DCAF6: variants seen among roughly 807,000 people sequenced by gnomAD.
The protein encoded by DCAF6 is DDB1 and CUL4 associated factor 6.
Under a neutral mutation model 125.1 loss-of-function variants are expected in DCAF6, and 54 were observed. That is an observed-to-expected ratio of 0.43 (90% CI 0.35 to 0.54). DCAF6 has a LOEUF of 0.54. Among genes scored for constraint, DCAF6 ranks in the 20% least tolerant of loss-of-function variants. The pLI, the probability that DCAF6 is intolerant of heterozygous loss-of-function variation, is 0.01. For missense variants in DCAF6, 934 were observed against 1,161.7 expected (o/e 0.80, Z 2.85); for synonymous variants, 371 against 390.4 (o/e 0.95, Z 0.58).
chr1:167,970,814 A>G (rs1486215878), intron 3 of DCAF6, among the ~76,000 whole-genome samples: 1 of 152,082 alleles, frequency 6.6e-6, no homozygotes, highest in Non-Finnish European at 1.5e-5. Flanking sequence ...GTTTTGAAAC[A>G]CTTAGTTTTT....
At chr1:167,912,595 G>T in the DCAF6 span, among the ~76,000 whole-genome samples, 1 of 152,190 alleles carries the variant, frequency 6.6e-6, no homozygotes, top group Non-Finnish European at 1.5e-5. Flanking sequence ...CCTAGCTGAC[G>T]TCCACCCCAC....
intron 10 of DCAF6, among the ~76,000 whole-genome samples, chr1:168,009,756 C>A (rs1684025483): frequency 6.6e-6 from 1 of 150,440 alleles, no homozygotes; most frequent in African/African-American, 2.5e-5. Flanking sequence ...TAGGTAAAGT[C>A]CTCTTTCCTT....
At chr1:167,976,201 G>T (rs1019845896) in intron 4 of DCAF6, among the ~76,000 whole-genome samples, 1 of 152,150 alleles carries the variant, frequency 6.6e-6, no homozygotes, top group Non-Finnish European at 1.5e-5. Flanking sequence ...AGACGTGGTG[G>T]CTCACACCTG....
intron 3 of DCAF6, among the ~76,000 whole-genome samples, chr1:167,971,680 G>A (rs930159243): frequency 2.6e-5 from 4 of 152,076 alleles, no homozygotes; most frequent in Non-Finnish European, 4.4e-5. Flanking sequence ...CCACCTTAAC[G>A]TATAGTAATC....
chr1:167,893,414 T>C, the DCAF6 span, among the ~76,000 whole-genome samples: 4 of 152,144 alleles, frequency 2.6e-5, no homozygotes, highest in Admixed American at 2.6e-4. Context: ...CACCTACATA[T>C]AGAGAATGTC....
At chr1:167,960,086 A>G (rs1675341370) in intron 2 of DCAF6, among the ~76,000 whole-genome samples, 1 of 151,606 alleles carries the variant, frequency 6.6e-6, no homozygotes, top group South Asian at 2.1e-4. Flanking sequence ...TTTTTTTTGC[A>G]TGTGAATATC....
intron 12 of DCAF6, among the ~76,000 whole-genome samples, chr1:168,037,906 A>G (rs1478949079): frequency 2.0e-5 from 3 of 152,218 alleles, no homozygotes; most frequent in Non-Finnish European, 4.4e-5. Context: ...AAGGAATTTG[A>G]TAACATTTCA....
At position 168,044,959 on chromosome 1, in the gene DCAF6, C is replaced by T. The variant is rs1688981062; in HGVS notation, c.1990C>T (p.Leu664Phe). ...LDSNSGERND[L>F]NLDRSCGVPE... ...TTCCAACTCAGGAGAAAGAAATGAC[C>T]TCAATCTTGATCGCTCTTGTGGGGT... The change falls in exon 16 of 22, where the codon CTC becomes TTC. Residue 664 changes from leucine to phenylalanine, a missense_variant. Leu to Phe is a conservative substitution (Grantham distance 22, BLOSUM62 0). Around this residue, in one of 5 missense-constraint regions of DCAF6, gnomAD observed 559 missense variants for 635.5 expected, o/e 0.88. Transcript: ENST00000367840. The T allele has an allele frequency of 6.2e-7, 1 of 1,614,066 alleles. No individual in the cohort carries two copies.
chr1:167,868,553 G>A, the DCAF6 span, among the ~76,000 whole-genome samples: 8,376 of 152,006 alleles, frequency 0.055, 693 homozygotes, highest in African/African-American at 0.18. Flanking sequence ...GAATTCCACC[G>A]GGACTAGACA....
the DCAF6 span, chr1:167,870,268 A>G: frequency 6.2e-7 from 1 of 1,614,064 alleles, no homozygotes; most frequent in East Asian, 2.2e-5. Flanking sequence ...TGTGATTCTT[A>G]CCTTGGGCCA....
chr1:167,934,905 A>G (rs1053702440), upstream of DCAF6, among the ~76,000 whole-genome samples: 4 of 152,190 alleles, frequency 2.6e-5, no homozygotes, highest in Non-Finnish European at 5.9e-5. Flanking sequence ...TCTTTAATAA[A>G]GGGATTGGAA....
chr1:168,038,511 A>C, intron 13 of DCAF6, 23 bp downstream of exon 13: 1 of 1,488,008 alleles, frequency 6.7e-7, no homozygotes, highest in Non-Finnish European at 9.2e-7. Flanking sequence ...TTTTGTAAAG[A>C]TGTTCTTAGC....
chr1:167,972,523 G>A (rs1458235747), intron 3 of DCAF6, among the ~76,000 whole-genome samples: 4 of 152,132 alleles, frequency 2.6e-5, no homozygotes, highest in Non-Finnish European at 5.9e-5. Context: ...TGCTTTTGGA[G>A]GGTAGAGTTT....
chr1:168,027,808 C>T (rs1346185981), intron 12 of DCAF6, among the ~76,000 whole-genome samples: 1 of 152,022 alleles, frequency 6.6e-6, no homozygotes. Flanking sequence ...GGTGTCTTTG[C>T]TTATTTATCC....
rs771072017 is a variant in DCAF6 at position 168,009,438 on chromosome 1, CT to C, written c.1378+4648del. Among the ~76,000 whole-genome samples, 241 of 94,214 alleles carry C rather than the reference CT, an allele frequency of 2.6e-3. 2 individuals carry two copies. The highest frequency in any genetic ancestry group is 0.011 in the African/African-American group (221 of 20,898). The allele number at this position is 94,214 out of a possible 152,430, so 61.8% of individuals were successfully genotyped here. On this transcript the variant is annotated intron_variant, in intron 10 of 21. Transcript: ENST00000367840. The stretch of plus-strand genomic sequence containing the variant: ...CTTTTGTTTCTTTCTGTCTCTCTCT[CT>C]TTCTTTCTTTCTGTCTCTCTCTCTT...
At chr1:168,033,122 G>GC (rs1423542962) in intron 12 of DCAF6, among the ~76,000 whole-genome samples, 2 of 152,056 alleles carry the variant, frequency 1.3e-5, no homozygotes, top group Non-Finnish European at 2.9e-5. Flanking sequence ...TCATTTCACA[G>GC]CGTGTGCATT....
chr1:167,903,992 C>T, the DCAF6 span: 4 of 1,609,494 alleles, frequency 2.5e-6, no homozygotes, highest in Non-Finnish European at 3.4e-6. Context: ...GCAGTAAAAC[C>T]TGGAATAAAT....
intron 17 of DCAF6, among the ~76,000 whole-genome samples, chr1:168,059,983 A>G (rs1691380243): frequency 6.6e-6 from 1 of 152,050 alleles, no homozygotes; most frequent in South Asian, 2.1e-4. Context: ...GTAACATTTT[A>G]TTTTTCTGTG....
At chr1:167,881,953 A>G in the DCAF6 span, among the ~76,000 whole-genome samples, 2 of 152,212 alleles carry the variant, frequency 1.3e-5, no homozygotes, top group Admixed American at 6.5e-5. Context: ...TATAGAATGC[A>G]TGCTTCCTGC....
Sources: allele counts gnomAD v4.1 joint callset (sites outside exome capture counted in the v4.1 genomes callset), GRCh38; gene constraint gnomAD v4.1.1; regional missense constraint gnomAD v4.1.1; transcripts MANE v1.5; gene names NCBI Gene and HGNC (gene_info 2026-07-23, HGNC 2026-07-21).